Variants in NUDT9 observed in about 807,000 individuals in gnomAD.
NUDT9 encodes the protein nudix hydrolase 9.
NUDT9 carries 31 observed loss-of-function variants against 41.0 expected under a neutral mutation model. The ratio of observed to expected loss-of-function variants is 0.76; its 90% CI spans 0.57 to 1.02. The LOEUF (loss-of-function observed/expected upper bound fraction) is 1.02. Ranked by LOEUF, NUDT9 falls within the 50% of genes least tolerant of loss-of-function variation. The pLI is 0.00. For missense variants in NUDT9, 380 were observed against 431.4 expected, an observed-to-expected ratio of 0.88 and a Z score of 1.06; for synonymous variants, 146 against 147.6, an observed-to-expected ratio of 0.99 and a Z score of 0.08.
intron 3 of NUDT9, among the ~76,000 whole-genome samples, chr4:87,439,265 A>G (rs1468441470): frequency 6.6e-6 from 1 of 152,136 alleles, no homozygotes; most frequent in Non-Finnish European, 1.5e-5. Flanking sequence ...CAGGAAACCT[A>G]CTGTCATGGT....
In NUDT9 at chr4:87,458,125, G is replaced by C; in HGVS notation, c.*104G>C. 1 of 1,058,940 alleles carries C rather than the reference G, an allele frequency of 9.4e-7. No homozygotes were observed. The highest frequency in any genetic ancestry group is 3.1e-5 in the South Asian group (1 of 32,660). 65.6% of individuals were successfully genotyped at this position (1,058,940 alleles called of 1,614,324 possible). On this transcript the variant is annotated 3_prime_UTR_variant, in exon 8 of 8. Transcript: ENST00000302174. ...TAAAAAGGGCAGGGTAGGCCACTTG[G>C]CCTATTTACTTTCAAAACAATTTGC...
At chr4:87,454,892 A>G (rs896619633) in intron 7 of NUDT9, among the ~76,000 whole-genome samples, 2 of 152,228 alleles carry the variant, frequency 1.3e-5, no homozygotes, top group Non-Finnish European at 2.9e-5. Flanking sequence ...AGCAATAACA[A>G]AAAATTCCAA....
At chr4:87,434,828 A>T (rs1189880557) in intron 1 of NUDT9, among the ~76,000 whole-genome samples, 153 bp from the exon 2 acceptor site, 2 of 152,190 alleles carry the variant, frequency 1.3e-5, no homozygotes, top group Non-Finnish European at 2.9e-5. Flanking sequence ...CATGTTGGTC[A>T]GGCTGGTCTT....
intron 1 of NUDT9, among the ~76,000 whole-genome samples, chr4:87,434,639 C>CT (rs901633435): frequency 7.1e-5 from 10 of 141,842 alleles, no homozygotes; most frequent in Middle Eastern, 3.6e-3. Flanking sequence ...TTTTTTTTTG[C>CT]TTTTTTTTTG....
At chr4:87,456,240 A>C (rs1329507099) in intron 7 of NUDT9, among the ~76,000 whole-genome samples, 1 of 152,056 alleles carries the variant, frequency 6.6e-6, no homozygotes, top group South Asian at 2.1e-4. Flanking sequence ...GAGGAAGGGG[A>C]ATCATAGGAG....
At chr4:87,440,833 GAGACTCTGT>G (rs909068088) in intron 3 of NUDT9, among the ~76,000 whole-genome samples, 3 of 143,966 alleles carry the variant, frequency 2.1e-5, no homozygotes, top group African/African-American at 7.5e-5. Flanking sequence ...GTGACAGAGT[GAGACTCTGT>G]CTCAAAAAAA....
chr4:87,438,200 C>A, intron 2 of NUDT9, 77 bp from the exon 3 acceptor site: 11 of 674,512 alleles, frequency 1.6e-5, no homozygotes, highest in East Asian at 3.2e-5. Context: ...TTATGGATAA[C>A]AGATTGACTT....
chr4:87,429,677 T>C (rs1721592566), intron 1 of NUDT9, among the ~76,000 whole-genome samples: 1 of 150,274 alleles, frequency 6.7e-6, no homozygotes, highest in Non-Finnish European at 1.5e-5. Flanking sequence ...TTTCTCCTTT[T>C]CTCTCTCCCC....
rs1354731014 is a variant in NUDT9, at chr4:87,449,132, C to T, written c.531-10C>T. On this transcript the variant is annotated splice_polypyrimidine_tract_variant and intron_variant, in intron 4 of 7. Transcript: ENST00000302174. ...GTAAATCCGTTATGATTTTATATTA[C>T]TATTCACAGATGGAAAAGGGATAGC... 6.3e-6 allele frequency: 9 copies of T among 1,431,920 alleles called. No homozygotes were observed. The highest frequency in any genetic ancestry group is 6.9e-6 in the Non-Finnish European group (7 of 1,015,422). The allele number at this position is 1,431,920 out of a possible 1,614,324, so 88.7% of individuals were successfully genotyped here.
At position 87,426,039 on chromosome 4, in the gene NUDT9, T is replaced by C. The variant is rs1486403141; in HGVS notation, c.107+3027T>C. On this transcript the variant is annotated intron_variant, in intron 1 of 7. Transcript: ENST00000302174. ...TGTTGCCCAGGCTGGTCTCAAACTA[T>C]TGGGCTCAAGTGATCCTCCTGCCTT... is the stretch of plus-strand genomic sequence containing the variant. Among the ~76,000 whole-genome samples, 10 of 152,172 alleles carry C rather than the reference T, an allele frequency of 6.6e-5. No individual in the cohort carries two copies. In the East Asian group the frequency reaches 1.2e-3, roughly 18 times the overall value.
intron 1 of NUDT9, among the ~76,000 whole-genome samples, chr4:87,433,046 T>G (rs1327157159): frequency 2.0e-5 from 3 of 152,188 alleles, no homozygotes; most frequent in Non-Finnish European, 2.9e-5. Context: ...CCTCTTCACG[T>G]TTTTGGAAGA....
In NUDT9 at chr4:87,438,362, G is replaced by T. The variant is rs748813491; in HGVS notation, c.433G>T (p.Gly145Ter). The part of the protein sequence containing the change: ...SKNGLYEIEN[G>*]RPRNPAGRTG... ...GAATGGCCTGTATGAGATTGAAAAT[G>T]GAAGACCGAGGTAGGTACTGGGAGC... The change falls in exon 3 of 8, where the codon GGA (glycine) becomes TGA (stop). Residue 145 changes from glycine to a stop codon, truncating the protein, a stop_gained. Transcript: ENST00000302174. LOFTEE classifies it high-confidence loss of function. The T allele has an allele frequency of 4.5e-5, 71 of 1,587,228 alleles. No individual in the cohort carries two copies. Among genetic ancestry groups the T allele is most frequent in the Non-Finnish European group, 6.1e-5 (70 of 1,156,158 alleles).
intron 4 of NUDT9, among the ~76,000 whole-genome samples, chr4:87,443,262 T>C (rs13145111): frequency 8.1e-6 from 1 of 123,178 alleles, no homozygotes. Context: ...CACACACACA[T>C]GCCTGCACAT....
At chr4:87,433,078 A>C (rs554535927) in intron 1 of NUDT9, among the ~76,000 whole-genome samples, 2 of 152,148 alleles carry the variant, frequency 1.3e-5, no homozygotes, top group South Asian at 2.1e-4. Flanking sequence ...ATTGGTGTTG[A>C]TTCTTCTTTA....
At chr4:87,448,581 A>G (rs1195240472) in intron 4 of NUDT9, among the ~76,000 whole-genome samples, 6 of 152,048 alleles carry the variant, frequency 3.9e-5, no homozygotes, top group Non-Finnish European at 7.3e-5. Context: ...TCCTGGGTAC[A>G]GTGACCCTTC....
intron 1 of NUDT9, among the ~76,000 whole-genome samples, chr4:87,430,630 A>AT (rs1360509912): frequency 1.3e-5 from 2 of 152,056 alleles, no homozygotes; most frequent in Non-Finnish European, 2.9e-5. Flanking sequence ...GGTCATTCTA[A>AT]TGGGTCTGAG....
At chr4:87,424,318 G>T (rs1304514171) in intron 1 of NUDT9, among the ~76,000 whole-genome samples, 1 of 147,866 alleles carries the variant, frequency 6.8e-6, no homozygotes, top group Non-Finnish European at 1.5e-5. Flanking sequence ...GGAGCGCAGT[G>T]GCGCGATCTC....
At chr4:87,434,667 C>T (rs1432607051) in intron 1 of NUDT9, among the ~76,000 whole-genome samples, 4 of 151,208 alleles carry the variant, frequency 2.6e-5, no homozygotes, top group Non-Finnish European at 5.9e-5. Context: ...GTTTTCACTC[C>T]TGTTGCCCAG....
intron 7 of NUDT9, among the ~76,000 whole-genome samples, chr4:87,456,791 C>T (rs1024707253): frequency 2.6e-5 from 4 of 151,972 alleles, no homozygotes; most frequent in African/African-American, 7.3e-5. Context: ...ATTAGCTGGG[C>T]GTGGTGGCAG....
Sources: allele counts gnomAD v4.1 joint callset (sites outside exome capture counted in the v4.1 genomes callset), GRCh38; gene constraint gnomAD v4.1.1; transcripts MANE v1.5; gene names NCBI Gene and HGNC (gene_info 2026-07-23, HGNC 2026-07-21).